The following UNC13C variants were observed in gnomAD, a reference collection of about 807,000 sequenced individuals.
UNC13C encodes the protein protein unc-13 homolog C.
Under a neutral mutation model 245.4 loss-of-function variants are expected in UNC13C, and 174 were observed. The ratio of observed to expected loss-of-function variants is 0.71; its 90% CI spans 0.63 to 0.80. UNC13C has a LOEUF of 0.80. Among genes scored for constraint, UNC13C ranks in the 30% least tolerant of loss-of-function variants. UNC13C has a pLI of 0.00. For synonymous variants in UNC13C, 992 were observed against 895.1 expected (o/e 1.11, Z -1.93); for missense variants, 2,829 against 2,602.9 (o/e 1.09, Z -1.89).
At chr15:54,326,126 G>A (rs1212552351) in intron 14 of UNC13C, among the ~76,000 whole-genome samples, 5 of 152,012 alleles carry the variant, frequency 3.3e-5, no homozygotes, top group African/African-American at 1.2e-4. Flanking sequence ...TAGTGTGAGA[G>A]TCCTTGCAGA....
At chr15:54,230,199 T>A (rs1024527826) in intron 4 of UNC13C, among the ~76,000 whole-genome samples, 5 of 152,208 alleles carry the variant, frequency 3.3e-5, no homozygotes, top group Non-Finnish European at 7.4e-5. Context: ...TAATTTACAT[T>A]CCCAACAACA....
chr15:54,397,878 A>C (rs1434947045), intron 18 of UNC13C, among the ~76,000 whole-genome samples: 2 of 151,370 alleles, frequency 1.3e-5, no homozygotes, highest in African/African-American at 4.8e-5. Flanking sequence ...TTATTTAAAT[A>C]AATTATATTC....
intron 4 of UNC13C, among the ~76,000 whole-genome samples, chr15:54,158,819 T>TA (rs999386467): frequency 7.3e-5 from 11 of 150,816 alleles, no homozygotes; most frequent in African/African-American, 1.5e-4. Context: ...CCAGCTAATT[T>TA]AAAAAAAAAA....
Position 54,178,542 on chromosome 15 carries a change from C to T in UNC13C, c.3071+34858C>T, listed in dbSNP as rs9806274. ...TAGTTCCTAGAAACAGCTGTGGAAA[C>T]GAAAAGGATTAAATAAACAAATTCC... is the stretch of plus-strand genomic sequence containing the variant. On this transcript the variant is annotated intron_variant, in intron 4 of 32. Coordinates refer to ENST00000260323, the MANE Select transcript of UNC13C (RefSeq NM_001080534.3). 3.7e-4 allele frequency among the ~76,000 whole-genome samples: 57 copies of T among 152,090 alleles called. 1 individual carries two copies. The highest frequency in any genetic ancestry group is 1.0e-3 in the African/African-American group (43 of 41,500).
At chr15:54,430,972 A>G (rs890472509) in intron 19 of UNC13C, among the ~76,000 whole-genome samples, 4 of 151,766 alleles carry the variant, frequency 2.6e-5, no homozygotes, top group African/African-American at 9.7e-5. Flanking sequence ...ACTTCTCTTT[A>G]GAGAAAACCT....
At chr15:54,280,671 T>C (rs1337094679) in intron 10 of UNC13C, among the ~76,000 whole-genome samples, 2 of 139,676 alleles carry the variant, frequency 1.4e-5, no homozygotes, top group Non-Finnish European at 3.1e-5. Context: ...TATACATACA[T>C]ATACATATAT....
intron 19 of UNC13C, among the ~76,000 whole-genome samples, chr15:54,494,338 G>C (rs1457060080): frequency 6.6e-6 from 1 of 152,084 alleles, no homozygotes; most frequent in African/African-American, 2.4e-5. Flanking sequence ...TTATTACTCT[G>C]TAACTACATC....
chr15:54,179,769 G>C (rs2033736590), intron 4 of UNC13C, among the ~76,000 whole-genome samples: 1 of 151,810 alleles, frequency 6.6e-6, no homozygotes, highest in African/African-American at 2.4e-5. Context: ...GTAATAAATG[G>C]CATCAAGTTA....
intron 30 of UNC13C, among the ~76,000 whole-genome samples, chr15:54,606,781 C>T (rs2141281671): frequency 6.6e-6 from 1 of 152,306 alleles, no homozygotes; most frequent in African/African-American, 2.4e-5. Context: ...TGGTGTCAAA[C>T]CCTCTGCTGT....
intron 25 of UNC13C, 79 bp downstream of exon 25, chr15:54,525,716 C>G: frequency 8.5e-7 from 1 of 1,179,632 alleles, no homozygotes; most frequent in Admixed American, 2.1e-5. Context: ...AATGCTGTTT[C>G]CTCTGACTGA....
the UNC13C span, among the ~76,000 whole-genome samples, chr15:53,933,206 T>A: frequency 0.11 from 16,167 of 152,202 alleles, 1,221 homozygotes; most frequent in East Asian, 0.33. Context: ...CTACACTCTA[T>A]GCTGCCCACT....
intron 10 of UNC13C, among the ~76,000 whole-genome samples, chr15:54,290,520 A>G (rs894991062): frequency 3.6e-4 from 55 of 152,100 alleles, no homozygotes; most frequent in Admixed American, 8.5e-4. Flanking sequence ...TCCTTCATCT[A>G]TTGGTATCCC....
intron 30 of UNC13C, among the ~76,000 whole-genome samples, chr15:54,610,341 TCTC>T (rs1270806558): frequency 6.6e-6 from 1 of 152,052 alleles, no homozygotes; most frequent in East Asian, 1.9e-4. Flanking sequence ...GTTCAGCAAT[TCTC>T]CTGTCTCCGC....
intron 18 of UNC13C, among the ~76,000 whole-genome samples, chr15:54,401,901 T>C (rs138275642): frequency 6.6e-4 from 101 of 152,222 alleles, no homozygotes; most frequent in African/African-American, 2.4e-3. Context: ...TAGTCTTGTT[T>C]CTCCATTACC....
intron 4 of UNC13C, among the ~76,000 whole-genome samples, chr15:54,216,621 T>C (rs2035048094): frequency 6.6e-6 from 1 of 151,786 alleles, no homozygotes; most frequent in African/African-American, 2.4e-5. Flanking sequence ...AGAGGGCAAA[T>C]ATGACACAGA....
chr15:54,609,750 T>C (rs1460248533), intron 30 of UNC13C, among the ~76,000 whole-genome samples: 1 of 152,188 alleles, frequency 6.6e-6, no homozygotes, highest in African/African-American at 2.4e-5. Flanking sequence ...CTCATGCTGC[T>C]AATAAAGACA....
intron 30 of UNC13C, among the ~76,000 whole-genome samples, chr15:54,593,259 A>G (rs1238151072): frequency 1.3e-5 from 2 of 152,162 alleles, no homozygotes; most frequent in Non-Finnish European, 2.9e-5. Context: ...TTGTCTTAAC[A>G]TTGGATAACT....
At chr15:54,002,160 C>G (rs956879796) in intron 1 of UNC13C, among the ~76,000 whole-genome samples, 2 of 152,112 alleles carry the variant, frequency 1.3e-5, no homozygotes, top group Non-Finnish European at 2.9e-5. Context: ...GTGGCGGGCA[C>G]CTGTAGTCCC....
chr15:54,269,465 C>G lies in UNC13C; in HGVS notation c.3818+3969C>G, dbSNP rs146956441. ...GAATAAAATTTCTAGAAATATTGAT[C>G]CAGTTGTAATCAGTAAAATAAAATA... On this transcript the variant is annotated intron_variant, in intron 10 of 32. Transcript: ENST00000260323. Among the ~76,000 whole-genome samples, 664 of 151,972 alleles carry G rather than the reference C, an allele frequency of 4.4e-3. 8 individuals carry two copies. Among genetic ancestry groups the G allele is most frequent in the African/African-American group, 0.015 (632 of 41,320 alleles).
Sources: gnomAD v4.1 joint callset for allele counts (sites outside exome capture counted in the v4.1 genomes callset) on GRCh38, gnomAD v4.1.1 for gene constraint, MANE v1.5 for transcripts, NCBI Gene and HGNC (gene_info 2026-07-23, HGNC 2026-07-21) for gene names.